The following ALG8 variants were observed in gnomAD, a reference collection of about 807,000 sequenced individuals.
The protein encoded by ALG8 is dolichyl pyrophosphate Glc1Man9GlcNAc2 alpha-1,3-glucosyltransferase.
A neutral mutation model predicts 70.2 loss-of-function variants in ALG8; 48 were observed. The ratio of observed to expected loss-of-function variants is 0.68; its 90% CI spans 0.54 to 0.87. ALG8 has a LOEUF of 0.87. ALG8 is among the 40% of genes least tolerant of loss of function. The probability of loss-of-function intolerance (pLI) is 0.00; values close to 1 mark genes in which losing one functional copy is unlikely to be tolerated. For synonymous variants in ALG8, 234 were observed against 229.0 expected (o/e 1.02, Z -0.20); for missense variants, 572 against 608.7 (o/e 0.94, Z 0.64).
chr11:78,104,982 A>G (rs1477950156), intron 10 of ALG8, among the ~76,000 whole-genome samples: 7 of 151,824 alleles, frequency 4.6e-5, no homozygotes, highest in African/African-American at 1.7e-4. Flanking sequence ...AAAAAAAAGA[A>G]TCTTGCTTCC....
At chr11:78,109,982 C>T (rs1860209003) in intron 8 of ALG8, among the ~76,000 whole-genome samples, 1 of 152,148 alleles carries the variant, frequency 6.6e-6, no homozygotes, top group Non-Finnish European at 1.5e-5. Flanking sequence ...GATCTCATCG[C>T]CCCTTCCCCC....
chr11:78,110,998 T>C (rs1860261758), intron 8 of ALG8, among the ~76,000 whole-genome samples: 1 of 152,220 alleles, frequency 6.6e-6, no homozygotes, highest in Non-Finnish European at 1.5e-5. Flanking sequence ...GCTGGCTGTT[T>C]AAAGCTTTTT....
chr11:78,124,241 T>C, intron 2 of ALG8, 27 bp from the exon 3 acceptor site: 4 of 1,601,640 alleles, frequency 2.5e-6, no homozygotes, highest in Admixed American at 3.3e-5. Context: ...AGATCAGACA[T>C]ATCCTAAATA....
chr11:78,123,178 C>T (rs1860900226), intron 3 of ALG8, among the ~76,000 whole-genome samples: 1 of 151,868 alleles, frequency 6.6e-6, no homozygotes, highest in Non-Finnish European at 1.5e-5. Flanking sequence ...TGGTGGTGTG[C>T]ACCTGTAATC....
intron 8 of ALG8, chr11:78,112,362 A>AT: frequency 2.7e-6 from 1 of 364,022 alleles, no homozygotes; most frequent in South Asian, 2.3e-5. Flanking sequence ...TAGTTTTTTA[A>AT]TTAAGGCAAA....
intron 1 of ALG8, among the ~76,000 whole-genome samples, chr11:78,137,922 TA>T (rs561278320): frequency 6.6e-6 from 1 of 151,860 alleles, no homozygotes; most frequent in South Asian, 2.1e-4. Context: ...CTTCAATTTG[TA>T]AAAAAAATGA....
In ALG8 at chr11:78,104,409, A is replaced by C; in HGVS notation, c.1223T>G (p.Ile408Ser). 1 of 1,600,408 alleles carries C rather than the reference A, an allele frequency of 6.2e-7. No individual in the cohort carries two copies. The highest frequency in any genetic ancestry group is 8.5e-7 in the Non-Finnish European group (1 of 1,173,290). ...GKAGDASIFL[I>S]LTTTGHYSLF... Reference sequence around the variant, plus strand: ...GGAATAATGTCCTGTTGTGGTCAGAATCAGAAAAATCGAAGCGTCTCCTGC... The same window carrying C: ...GGAATAATGTCCTGTTGTGGTCAGACTCAGAAAAATCGAAGCGTCTCCTGC... The change falls in exon 11 of 13, where the codon ATT (isoleucine) becomes AGT (serine). Residue 408 changes from isoleucine to serine, a missense_variant. Transcript: ENST00000299626.
intron 9 of ALG8, among the ~76,000 whole-genome samples, chr11:78,108,170 C>T (rs1320320345): frequency 6.6e-6 from 1 of 152,142 alleles, no homozygotes; most frequent in Non-Finnish European, 1.5e-5. Flanking sequence ...GTTCCAGCTA[C>T]TCAGGAGGCT....
chr11:78,119,118 G>T, intron 5 of ALG8, 64 bp downstream of exon 5: 3 of 1,298,430 alleles, frequency 2.3e-6, no homozygotes, highest in Non-Finnish European at 3.3e-6. Flanking sequence ...CCACTACACT[G>T]TTCCCTTTAC....
chr11:78,102,316 ATATTTGTTC>A (rs1430374710), intron 12 of ALG8, among the ~76,000 whole-genome samples: 2 of 152,164 alleles, frequency 1.3e-5, no homozygotes, highest in African/African-American at 2.4e-5. Context: ...GAACGATATG[ATATTTGTTC>A]TATTCTCTCG....
At chr11:78,126,358 C>T (rs971498656) in intron 2 of ALG8, among the ~76,000 whole-genome samples, 5 of 151,134 alleles carry the variant, frequency 3.3e-5, no homozygotes, top group Non-Finnish European at 7.4e-5. Flanking sequence ...TGGGGAAACC[C>T]CCTCTTTACT....
In ALG8 at chr11:78,112,789, A is replaced by G; in HGVS notation, c.778-19T>C. The stretch of plus-strand genomic sequence containing the variant: ...GCTGATTCTGTTGAAAAGAGAAATG[A>G]AACTGATTAAACAGTCATCAATCTT... On this transcript the variant is annotated intron_variant, in intron 7 of 12. Transcript: ENST00000299626. 1 of 1,611,972 alleles carries G rather than the reference A, an allele frequency of 6.2e-7. No individual in the cohort carries two copies.
At chr11:78,120,505 G>A (rs530127418) in intron 4 of ALG8, among the ~76,000 whole-genome samples, 7 of 152,144 alleles carry the variant, frequency 4.6e-5, no homozygotes, top group Non-Finnish European at 8.8e-5. Flanking sequence ...AGCTGCTAAT[G>A]GCAACTAAGA....
chr11:78,135,711 G>A (rs10793288), intron 1 of ALG8, among the ~76,000 whole-genome samples: 67,508 of 151,830 alleles, frequency 0.44, 15,143 homozygotes, highest in Non-Finnish European at 0.46. Flanking sequence ...AGCAGGGCAT[G>A]ATGGTGTGCA....
intron 1 of ALG8, among the ~76,000 whole-genome samples, chr11:78,134,617 T>A (rs1861464423): frequency 6.6e-6 from 1 of 152,212 alleles, no homozygotes; most frequent in South Asian, 2.1e-4. Flanking sequence ...ATTAACTAAG[T>A]TTATATAATA....
intron 8 of ALG8, chr11:78,112,361 A>C: frequency 2.8e-6 from 1 of 362,884 alleles, no homozygotes; most frequent in South Asian, 2.3e-5. Flanking sequence ...ATAGTTTTTT[A>C]ATTAAGGCAA....
chr11:78,136,485 C>A lies in ALG8; in HGVS notation c.95+3009G>T, dbSNP rs189205091. On this transcript the variant is annotated intron_variant, in intron 1 of 12. Coordinates refer to ENST00000299626, the MANE Select transcript of ALG8 (RefSeq NM_024079.5). ...GCAGGAGATTAAGGCTGCAGTGAGC[C>A]ATGATGGTGCCGCTGTACTTCACCC... Among the ~76,000 whole-genome samples, 20 of 152,068 alleles carry A rather than the reference C, an allele frequency of 1.3e-4. No individual in the cohort carries two copies. The East Asian group carries it at 3.7e-3, about 28-fold the overall frequency.
intron 5 of ALG8, chr11:78,114,893 T>C (rs1440418731): frequency 4.4e-6 from 1 of 229,502 alleles, no homozygotes; most frequent in Non-Finnish European, 8.8e-6. Context: ...GAGAATCTGC[T>C]TTAGCCCAGG....
chr11:78,124,615 A>G (rs547163126), intron 2 of ALG8, among the ~76,000 whole-genome samples: 7 of 152,332 alleles, frequency 4.6e-5, no homozygotes, highest in African/African-American at 1.7e-4. Context: ...ACTTAAAGGA[A>G]ATTAATTTGA....
Sources: gnomAD v4.1 joint callset for allele counts (sites outside exome capture counted in the v4.1 genomes callset) on GRCh38, gnomAD v4.1.1 for gene constraint, MANE v1.5 for transcripts, NCBI Gene and HGNC (gene_info 2026-07-23, HGNC 2026-07-21) for gene names.